The following GCNT1 variants were observed in gnomAD, a reference collection of about 807,000 sequenced individuals.
GCNT1 encodes the protein beta-1,3-galactosyl-O-glycosyl-glycoprotein beta-1,6-N-acetylglucosaminyltransferase.
Under a neutral mutation model 26.2 loss-of-function variants are expected in GCNT1, and 16 were observed. The observed-to-expected ratio is 0.61, with a 90% CI of 0.41 to 0.93. The LOEUF (loss-of-function observed/expected upper bound fraction) is 0.93, where lower values mean the gene tolerates loss of function less well. Ranked by LOEUF, GCNT1 falls within the 40% of genes least tolerant of loss-of-function variation. GCNT1 has a pLI of 0.00. For missense variants in GCNT1, 477 were observed against 526.7 expected, an observed-to-expected ratio of 0.91 and a Z score of 0.92; for synonymous variants, 183 against 190.8, an observed-to-expected ratio of 0.96 and a Z score of 0.34.
upstream of GCNT1, among the ~76,000 whole-genome samples, chr9:76,418,160 CAGGTTAT>C (rs1387216184): frequency 6.6e-6 from 1 of 151,736 alleles, no homozygotes. Context: ...GGAGGGGTTC[CAGGTTAT>C]AGGTACATTT....
At chr9:76,433,897 A>T (rs1823370413) in intron 1 of GCNT1, among the ~76,000 whole-genome samples, 2 of 152,170 alleles carry the variant, frequency 1.3e-5, no homozygotes, top group Non-Finnish European at 2.9e-5. Context: ...GAACCTCCTC[A>T]TATCCCTCAA....
intron 1 of GCNT1, among the ~76,000 whole-genome samples, chr9:76,454,083 A>G (rs2131588899): frequency 6.6e-6 from 1 of 152,260 alleles, no homozygotes; most frequent in South Asian, 2.1e-4. Context: ...AAACAATGTT[A>G]AAAAGAACCA....
chr9:76,482,039 GAA>G (rs1564239938), intron 2 of GCNT1, among the ~76,000 whole-genome samples: 9 of 152,286 alleles, frequency 5.9e-5, no homozygotes, highest in African/African-American at 2.2e-4. Context: ...TTGTCAGTAA[GAA>G]GGTTTGCCCT....
chr9:76,400,829 G>C, the GCNT1 span, among the ~76,000 whole-genome samples: 1 of 152,162 alleles, frequency 6.6e-6, no homozygotes, highest in South Asian at 2.1e-4. Flanking sequence ...AAAATGTCTA[G>C]CTAGGGAGAG....
chr9:76,394,374 C>A, the GCNT1 span: 1,970 of 497,634 alleles, frequency 4.0e-3, 44 homozygotes, highest in African/African-American at 0.036. Flanking sequence ...TACCGCCGGG[C>A]GCCTGAGGAG....
chr9:76,414,635 T>G, the GCNT1 span, among the ~76,000 whole-genome samples: 1 of 152,238 alleles, frequency 6.6e-6, no homozygotes, highest in African/African-American at 2.4e-5. Context: ...TGAGGGTCCC[T>G]CGCCTTTTTA....
chr9:76,460,493 A>G (rs1286995484), intron 2 of GCNT1, among the ~76,000 whole-genome samples: 1 of 152,078 alleles, frequency 6.6e-6, no homozygotes, highest in East Asian at 1.9e-4. Context: ...AGAGGGGAGG[A>G]GGAGGGCTTA....
intron 1 of GCNT1, among the ~76,000 whole-genome samples, chr9:76,434,202 G>T (rs1389474331): frequency 6.6e-6 from 1 of 152,148 alleles, no homozygotes; most frequent in East Asian, 1.9e-4. Context: ...TCCACTGGGG[G>T]TCTTGGAACG....
the GCNT1 span, among the ~76,000 whole-genome samples, chr9:76,405,156 A>G: frequency 3.9e-5 from 6 of 152,358 alleles, no homozygotes; most frequent in African/African-American, 1.4e-4. Context: ...TTCTACAAAA[A>G]TAGCCAAACC....
At chr9:76,413,659 T>G in the GCNT1 span, among the ~76,000 whole-genome samples, 48,458 of 104,532 alleles carry the variant, frequency 0.46, 8,855 homozygotes, top group African/African-American at 0.62. Flanking sequence ...TTTTGTTTTT[T>G]TTTTTTTTGT....
chr9:76,477,526 C>CAA (rs61339359), intron 2 of GCNT1, among the ~76,000 whole-genome samples: 2 of 142,734 alleles, frequency 1.4e-5, no homozygotes, highest in African/African-American at 2.6e-5. Context: ...ACTCTGTCTC[C>CAA]AAAAAAAAAA....
At chr9:76,491,309 C>T (rs532731516) in intron 2 of GCNT1, among the ~76,000 whole-genome samples, 4 of 152,216 alleles carry the variant, frequency 2.6e-5, no homozygotes, top group African/African-American at 7.2e-5. Context: ...CTGTTCTCCT[C>T]TCCTTCCCCT....
chr9:76,439,558 G>GA (rs5898477), upstream of GCNT1, among the ~76,000 whole-genome samples: 98,087 of 151,302 alleles, frequency 0.65, 32,232 homozygotes, highest in African/African-American at 0.72. Context: ...AAGAAAAAAT[G>GA]AAAAAAAAAT....
At chr9:76,459,852 T>C (rs942988542) in intron 1 of GCNT1, among the ~76,000 whole-genome samples, 2 of 152,194 alleles carry the variant, frequency 1.3e-5, no homozygotes, top group African/African-American at 4.8e-5. Context: ...TCCTGCTCCC[T>C]CGCTTTCCTT....
exon 1 of GCNT1, chr9:76,442,289 T>C (rs560401302): frequency 1.3e-5 from 2 of 152,402 alleles, no homozygotes; most frequent in East Asian, 3.9e-4. Context: ...CAGTGAGACC[T>C]GCTTCAGACT....
At chr9:76,394,507 C>T in the GCNT1 span, 1 of 229,012 alleles carries the variant, frequency 4.4e-6, no homozygotes, top group Non-Finnish European at 8.6e-6. Flanking sequence ...CGCTCCCTTC[C>T]TCAGCCGAAC....
At chr9:76,487,549 G>A (rs550979841) in intron 2 of GCNT1, among the ~76,000 whole-genome samples, 8 of 152,296 alleles carry the variant, frequency 5.3e-5, no homozygotes, top group South Asian at 2.1e-4. Flanking sequence ...ATGAGCCACC[G>A]CGCCCAGCCA....
chr9:76,405,598 A>G, the GCNT1 span, among the ~76,000 whole-genome samples: 1 of 152,176 alleles, frequency 6.6e-6, no homozygotes, highest in Admixed American at 6.5e-5. Flanking sequence ...AACTGTCTTC[A>G]TAGTTTTGCC....
At chr9:76,419,105 A>G (rs774606478), upstream of GCNT1, among the ~76,000 whole-genome samples, 5 of 152,176 alleles carry the variant, frequency 3.3e-5, no homozygotes, top group Non-Finnish European at 7.3e-5. Context: ...CTGAGTCCCA[A>G]CATTGCCTCC....
Sources: allele counts gnomAD v4.1 joint callset (sites outside exome capture counted in the v4.1 genomes callset), GRCh38; gene constraint gnomAD v4.1.1; transcripts MANE v1.5; gene names NCBI Gene and HGNC (gene_info 2026-07-23, HGNC 2026-07-21).